The following TMEM117 variants were observed in gnomAD, a reference collection of about 807,000 sequenced individuals.
TMEM117 encodes the protein transmembrane protein 117.
TMEM117 carries 27 observed loss-of-function variants against 52.4 expected under a neutral mutation model. The observed-to-expected ratio is 0.51, with a 90% CI of 0.38 to 0.71. The LOEUF (loss-of-function observed/expected upper bound fraction) is 0.71, where lower values mean the gene tolerates loss of function less well. Among genes scored for constraint, TMEM117 ranks in the 30% least tolerant of loss-of-function variants. The pLI is 0.00. For missense variants in TMEM117, 556 were observed against 630.5 expected, an observed-to-expected ratio of 0.88 and a Z score of 1.26; for synonymous variants, 215 against 206.3, an observed-to-expected ratio of 1.04 and a Z score of -0.36.
At chr12:43,853,067 T>G (rs1490873198) in intron 2 of TMEM117, among the ~76,000 whole-genome samples, 1 of 151,418 alleles carries the variant, frequency 6.6e-6, no homozygotes, top group African/African-American at 2.4e-5. Context: ...TTTCCAAACA[T>G]GTGTTTGCTT....
At position 44,376,693 on chromosome 12, in the gene TMEM117, C is replaced by T; in HGVS notation, c.867C>T (p.Ile289=). The change falls in exon 7 of 8, where the codon ATC becomes ATT. Residue 289 remains isoleucine, a synonymous_variant. Coordinates refer to ENST00000266534, the MANE Select transcript of TMEM117 (RefSeq NM_032256.3). ...TCAAGATTCCTTTCTTCCAGAAAAT[C>T]TTCAAGGAGGAATATCGTATTCACA... ...MQFKIPFFQK[I]FKEEYRIHIT... is the part of the protein sequence containing the mutation. The T allele has an allele frequency of 1.2e-6, 2 of 1,611,162 alleles. No individual in the cohort carries two copies. The highest frequency in any genetic ancestry group is 1.1e-5 in the South Asian group (1 of 90,192).
intron 2 of TMEM117, among the ~76,000 whole-genome samples, chr12:43,849,589 G>A (rs898539899): frequency 4.6e-5 from 7 of 151,902 alleles, no homozygotes; most frequent in African/African-American, 1.4e-4. Context: ...GATTTATTGA[G>A]TACAAATTAT....
chr12:44,143,168 A>G (rs1948593982), intron 3 of TMEM117, among the ~76,000 whole-genome samples: 1 of 152,144 alleles, frequency 6.6e-6, no homozygotes, highest in African/African-American at 2.4e-5. Context: ...TCCTCTTTGA[A>G]GTTACTCCAA....
At chr12:44,235,013 C>A (rs1312427551) in intron 5 of TMEM117, among the ~76,000 whole-genome samples, 4 of 151,482 alleles carry the variant, frequency 2.6e-5, no homozygotes, top group Non-Finnish European at 5.9e-5. Context: ...GTGTCTACTT[C>A]TTTTAGTTAC....
In TMEM117 at chr12:44,179,453, G is replaced by C. The variant is rs77113155; in HGVS notation, c.511-31837G>C. 2.4e-3 allele frequency among the ~76,000 whole-genome samples: 362 copies of C among 152,312 alleles called. 1 individual carries two copies. The highest frequency in any genetic ancestry group is 8.1e-3 in the African/African-American group (338 of 41,568). ...GGAGTCTGCTGGTGCAAATCCTACA[G>C]TTCAAAAGGCCAAGGAACCTGGAGT... On this transcript the variant is annotated intron_variant, in intron 4 of 7. Coordinates refer to ENST00000266534, the MANE Select transcript of TMEM117 (RefSeq NM_032256.3).
intron 5 of TMEM117, among the ~76,000 whole-genome samples, chr12:44,222,285 T>G (rs1179295192): frequency 6.6e-6 from 1 of 152,136 alleles, no homozygotes; most frequent in African/African-American, 2.4e-5. Context: ...TGCAGTCTTC[T>G]CATCACCTTT....
intron 2 of TMEM117, among the ~76,000 whole-genome samples, chr12:43,868,105 C>CACACGG (rs1555178941): frequency 2.0e-5 from 3 of 150,372 alleles, no homozygotes; most frequent in Non-Finnish European, 3.0e-5. Flanking sequence ...TATACACACA[C>CACACGG]ACACACAGAC....
intron 4 of TMEM117, among the ~76,000 whole-genome samples, chr12:44,179,284 A>G (rs936656735): frequency 1.3e-5 from 2 of 152,214 alleles, no homozygotes; most frequent in Non-Finnish European, 2.9e-5. Flanking sequence ...ACACAATTAC[A>G]AGGCAAAGTC....
chr12:43,805,587 G>A, the TMEM117 span: 1 of 468,994 alleles, frequency 2.1e-6, no homozygotes, highest in Non-Finnish European at 4.2e-6. Flanking sequence ...ATATTGAACT[G>A]TCTGCACGCA....
At chr12:44,034,227 C>G (rs1946677086) in intron 3 of TMEM117, among the ~76,000 whole-genome samples, 1 of 152,060 alleles carries the variant, frequency 6.6e-6, no homozygotes, top group African/African-American at 2.4e-5. Context: ...TAGAGAAATG[C>G]TAGGTTAGCT....
chr12:44,373,191 C>G (rs1592725755), intron 6 of TMEM117, among the ~76,000 whole-genome samples: 1 of 152,352 alleles, frequency 6.6e-6, no homozygotes, highest in Admixed American at 6.5e-5. Context: ...GCAGCAGTGT[C>G]TCCCTCACAC....
intron 2 of TMEM117, among the ~76,000 whole-genome samples, chr12:43,870,183 G>A (rs751835392): frequency 1.3e-5 from 2 of 151,654 alleles, no homozygotes; most frequent in Non-Finnish European, 2.9e-5. Context: ...TGGACATTTA[G>A]GTTGATTCCA....
chr12:44,168,266 G>A (rs994053512), intron 4 of TMEM117, among the ~76,000 whole-genome samples: 4 of 149,960 alleles, frequency 2.7e-5, no homozygotes, highest in Non-Finnish European at 5.9e-5. Flanking sequence ...AAAAAAAAAA[G>A]AGAAAAATCC....
the TMEM117 span, among the ~76,000 whole-genome samples, chr12:43,798,023 G>A: frequency 1.8e-4 from 27 of 152,150 alleles, no homozygotes; most frequent in African/African-American, 6.0e-4. Context: ...ACATCTTTAC[G>A]ACAATGTTGG....
intron 6 of TMEM117, among the ~76,000 whole-genome samples, chr12:44,310,018 C>T (rs1950954013): frequency 1.3e-5 from 2 of 152,132 alleles, no homozygotes; most frequent in African/African-American, 2.4e-5. Context: ...TCTAGGAATC[C>T]ACTTTTCTCG....
chr12:43,983,546 CCGTGTGTGTGTGTG>C (rs1477315717), intron 3 of TMEM117, among the ~76,000 whole-genome samples: 3 of 79,376 alleles, frequency 3.8e-5, no homozygotes, highest in African/African-American at 1.4e-4. Context: ...TTTGCACCAA[CCGTGTGTGTGTGTG>C]TGTGTGTGTG....
At chr12:44,265,200 A>G (rs1950363095) in intron 5 of TMEM117, among the ~76,000 whole-genome samples, 1 of 152,170 alleles carries the variant, frequency 6.6e-6, no homozygotes. Flanking sequence ...GAGACCAACT[A>G]ATCCAAAGGC....
intron 2 of TMEM117, among the ~76,000 whole-genome samples, chr12:43,936,244 G>C (rs73100960): frequency 6.6e-6 from 1 of 152,126 alleles, no homozygotes; most frequent in Admixed American, 6.5e-5. Flanking sequence ...CCTAAATTAT[G>C]AGAGAAGAGT....
intron 3 of TMEM117, among the ~76,000 whole-genome samples, chr12:44,026,572 T>C (rs1322452309): frequency 6.6e-6 from 1 of 152,200 alleles, no homozygotes; most frequent in Non-Finnish European, 1.5e-5. Context: ...TATTATGATT[T>C]ATAATTATTT....
Sources: allele counts gnomAD v4.1 joint callset (sites outside exome capture counted in the v4.1 genomes callset), GRCh38; gene constraint gnomAD v4.1.1; transcripts MANE v1.5; gene names NCBI Gene and HGNC (gene_info 2026-07-23, HGNC 2026-07-21).